Variants in LUC7L2 observed in about 807,000 individuals in gnomAD.
The protein encoded by LUC7L2 is LUC7 like 2, pre-mRNA splicing factor.
A neutral mutation model predicts 52.8 loss-of-function variants in LUC7L2; 25 were observed. The ratio of observed to expected loss-of-function variants is 0.47; its 90% CI spans 0.34 to 0.66. LUC7L2 has a LOEUF of 0.66. Ranked by LOEUF, LUC7L2 falls within the 30% of genes least tolerant of loss-of-function variation. The probability of loss-of-function intolerance (pLI) is 0.01; values close to 1 mark genes in which losing one functional copy is unlikely to be tolerated. For synonymous variants in LUC7L2, 144 were observed against 160.9 expected, an observed-to-expected ratio of 0.89 and a Z score of 0.80; for missense variants, 328 against 497.8, an observed-to-expected ratio of 0.66 and a Z score of 3.25.
upstream of LUC7L2, among the ~76,000 whole-genome samples, chr7:139,355,349 A>T (rs969789136): frequency 1.4e-5 from 2 of 146,548 alleles, no homozygotes; most frequent in Non-Finnish European, 3.0e-5. Flanking sequence ...ATTTCTATAC[A>T]TTTTTTTTTT....
chr7:139,376,121 C>G lies in LUC7L2; in HGVS notation c.121C>G (p.Leu41Val), dbSNP rs1009795637. 1.4e-5 allele frequency: 22 copies of G among 1,613,780 alleles called. No homozygotes were observed. Among genetic ancestry groups the G allele is most frequent in the Non-Finnish European group, 1.9e-5 (22 of 1,179,914 alleles). ...SDDRVCKSHL[L>V]NCCPHDVLSG... ...TGACAGAGTATGCAAGAGTCACCTT[C>G]TCAACTGTTGTCCTCATGATGTCCT... Residue 41 changes from leucine to valine, a missense_variant, in exon 2 of 10, where the codon CTC (leucine) becomes GTC (valine). This residue lies in a region of LUC7L2 where 133 missense variants were observed against 274.4 expected (regional missense o/e 0.48). Transcript: ENST00000354926.
At chr7:139,356,754 C>T (rs1016825020), upstream of LUC7L2, among the ~76,000 whole-genome samples, 4 of 152,052 alleles carry the variant, frequency 2.6e-5, no homozygotes, top group Non-Finnish European at 4.4e-5. Context: ...TGGCAGTATT[C>T]GAATTTTTGT....
At chr7:139,349,319 G>A (rs998466672) in intron 1 of LUC7L2, among the ~76,000 whole-genome samples, 10 of 152,154 alleles carry the variant, frequency 6.6e-5, no homozygotes, top group African/African-American at 2.4e-4. Context: ...CTTCAGAAGT[G>A]TATGCGTATT....
chr7:139,344,365 A>G (rs1799155807), intron 1 of LUC7L2, among the ~76,000 whole-genome samples: 1 of 152,206 alleles, frequency 6.6e-6, no homozygotes, highest in Non-Finnish European at 1.5e-5. Flanking sequence ...TTTGCAATAT[A>G]ACCTATGCAC....
intron 1 of LUC7L2, among the ~76,000 whole-genome samples, chr7:139,354,424 C>T (rs915432082): frequency 1.3e-5 from 2 of 151,854 alleles, no homozygotes; most frequent in Admixed American, 6.6e-5. Context: ...TGCAGTGGCA[C>T]GATCTTGGCT....
At chr7:139,345,945 G>A (rs1404616312) in intron 1 of LUC7L2, 2 of 326,808 alleles carry the variant, frequency 6.1e-6, no homozygotes. Context: ...TTTAAAAGTA[G>A]TACAAGCCTT....
intron 2 of LUC7L2, among the ~76,000 whole-genome samples, chr7:139,382,899 C>G (rs960142003): frequency 2.6e-5 from 4 of 151,914 alleles, no homozygotes; most frequent in African/African-American, 9.7e-5. Context: ...TATGTGGGTA[C>G]ATACAAACCC....
chr7:139,417,434 C>A, intron 8 of LUC7L2, 104 bp from the exon 9 acceptor site: 5 of 1,389,732 alleles, frequency 3.6e-6, no homozygotes, highest in South Asian at 1.5e-5. Flanking sequence ...ATATAATTGA[C>A]ATTAAGACTA....
chr7:139,390,229 CTCTCTCTCTCTT>C (rs369488751), intron 2 of LUC7L2, among the ~76,000 whole-genome samples: 236 of 151,520 alleles, frequency 1.6e-3, no homozygotes, highest in African/African-American at 5.3e-3. Flanking sequence ...CTCTCTCTCT[CTCTCTCTCTCTT>C]TTTTTCTTAT....
chr7:139,374,551 A>C, intron 1 of LUC7L2: 1 of 1,546,812 alleles, frequency 6.5e-7, no homozygotes, highest in Non-Finnish European at 8.7e-7. Context: ...AAGGACCATC[A>C]AAATAACTTT....
At chr7:139,389,899 A>G (rs1241855030) in intron 2 of LUC7L2, among the ~76,000 whole-genome samples, 2 of 152,212 alleles carry the variant, frequency 1.3e-5, no homozygotes, top group Admixed American at 1.3e-4. Context: ...CTGAACAGCA[A>G]TCCTGAAGTA....
At chr7:139,400,511 C>T (rs530362102) in intron 3 of LUC7L2, among the ~76,000 whole-genome samples, 36 of 152,048 alleles carry the variant, frequency 2.4e-4, no homozygotes, top group Non-Finnish European at 4.1e-4. Flanking sequence ...TGTCTCAAAA[C>T]ACAAACAGAG....
intron 1 of LUC7L2, among the ~76,000 whole-genome samples, chr7:139,346,585 G>C (rs957473158): frequency 1.3e-5 from 2 of 152,168 alleles, no homozygotes; most frequent in Non-Finnish European, 2.9e-5. Context: ...CTCAATAGTA[G>C]AGAGGTCTTT....
intron 7 of LUC7L2, 101 bp downstream of exon 7, chr7:139,409,755 A>G: frequency 7.1e-7 from 1 of 1,400,730 alleles, no homozygotes; most frequent in Non-Finnish European, 9.3e-7. Context: ...CTGTTATGGG[A>G]CGTGGGAAAC....
chr7:139,393,113 A>G (rs1218339379), intron 2 of LUC7L2, among the ~76,000 whole-genome samples: 1 of 152,076 alleles, frequency 6.6e-6, no homozygotes. Context: ...CTAAAAATAC[A>G]AAAATTAGCC....
intron 1 of LUC7L2, among the ~76,000 whole-genome samples, chr7:139,364,762 GT>G (rs1428454853): frequency 1.3e-5 from 2 of 152,204 alleles, no homozygotes; most frequent in East Asian, 1.9e-4. Context: ...GTTTGAAGTA[GT>G]GCGTTCTTTA....
intron 2 of LUC7L2, 93 bp downstream of exon 2, chr7:139,376,249 TTG>T (rs1800703967): frequency 2.3e-6 from 3 of 1,279,590 alleles, no homozygotes; most frequent in Non-Finnish European, 3.3e-6. Context: ...AAGAATTGAC[TTG>T]TGAGGGGAGA....
At chr7:139,348,225 T>TG (rs113337494) in intron 1 of LUC7L2, among the ~76,000 whole-genome samples, 57,443 of 149,338 alleles carry the variant, frequency 0.38, 15,459 homozygotes, top group African/African-American at 0.77. Flanking sequence ...TTAATAGAGA[T>TG]GGGGGTCTCA....
intron 1 of LUC7L2, among the ~76,000 whole-genome samples, chr7:139,366,086 T>C (rs1384507842): frequency 6.6e-6 from 1 of 152,188 alleles, no homozygotes; most frequent in Non-Finnish European, 1.5e-5. Flanking sequence ...CTTTGAGAAG[T>C]CAAAGCCGTC....
Sources: allele counts gnomAD v4.1 joint callset (sites outside exome capture counted in the v4.1 genomes callset), GRCh38; gene constraint gnomAD v4.1.1; regional missense constraint gnomAD v4.1.1; transcripts MANE v1.5; gene names NCBI Gene and HGNC (gene_info 2026-07-23, HGNC 2026-07-21).